Variants in CADPS2 observed in about 807,000 individuals in gnomAD.
CADPS2 encodes calcium-dependent secretion activator 2.
A neutral mutation model predicts 172.5 loss-of-function variants in CADPS2; 93 were observed. That is an observed-to-expected ratio of 0.54 (90% CI 0.46 to 0.64). The LOEUF is 0.64. Among genes scored for constraint, CADPS2 ranks in the 30% least tolerant of loss-of-function variants. CADPS2 has a pLI of 0.00. For missense variants in CADPS2, 1,420 were observed against 1,565.9 expected, an observed-to-expected ratio of 0.91 and a Z score of 1.57; for synonymous variants, 546 against 555.2, an observed-to-expected ratio of 0.98 and a Z score of 0.23.
intron 14 of CADPS2, among the ~76,000 whole-genome samples, chr7:122,463,777 G>C (rs2054773125): frequency 6.6e-6 from 1 of 152,180 alleles, no homozygotes; most frequent in Non-Finnish European, 1.5e-5. Flanking sequence ...AGCCTAGTTG[G>C]TGAATTCCAA....
intron 17 of CADPS2, among the ~76,000 whole-genome samples, chr7:122,416,461 G>A (rs772243391): frequency 1.3e-5 from 2 of 152,130 alleles, no homozygotes; most frequent in Admixed American, 6.6e-5. Context: ...CAAGGTCAGC[G>A]ACACAAAGAG....
intron 1 of CADPS2, among the ~76,000 whole-genome samples, chr7:122,868,803 G>GT (rs1384730766): frequency 6.6e-6 from 1 of 152,162 alleles, no homozygotes; most frequent in Non-Finnish European, 1.5e-5. Flanking sequence ...GCTCGCTAAA[G>GT]TAAGGAGAAC....
chr7:122,884,449 A>C (rs1823757824), intron 1 of CADPS2, among the ~76,000 whole-genome samples: 1 of 152,172 alleles, frequency 6.6e-6, no homozygotes, highest in Admixed American at 6.5e-5. Flanking sequence ...GGTGGTTTTA[A>C]CTGTGCCAAT....
At chr7:122,366,869 T>C (rs1398532093) in intron 25 of CADPS2, 1 of 152,094 alleles carries the variant, frequency 6.6e-6, no homozygotes, top group Admixed American at 6.5e-5. Context: ...GAGGGAGTGT[T>C]TGACAGCAGG....
At chr7:122,328,450 A>C (rs1378205649) in intron 28 of CADPS2, 1 of 152,206 alleles carries the variant, frequency 6.6e-6, no homozygotes, top group Non-Finnish European at 1.5e-5. Flanking sequence ...AACTTGGTTG[A>C]CCATTCACTT....
chr7:122,554,719 C>G, intron 7 of CADPS2, 30 bp from the exon 8 acceptor site: 1 of 1,559,292 alleles, frequency 6.4e-7, no homozygotes, highest in Non-Finnish European at 8.7e-7. Context: ...CACATTTAAA[C>G]GCATGATACG....
At chr7:122,804,736 T>A (rs1233024451) in intron 1 of CADPS2, among the ~76,000 whole-genome samples, 1 of 152,228 alleles carries the variant, frequency 6.6e-6, no homozygotes, top group African/African-American at 2.4e-5. Flanking sequence ...TGGATTGCCA[T>A]CCTTTTCAAA....
At chr7:122,664,576 T>C (rs1310405776) in intron 2 of CADPS2, among the ~76,000 whole-genome samples, 1 of 152,146 alleles carries the variant, frequency 6.6e-6, no homozygotes, top group Non-Finnish European at 1.5e-5. Flanking sequence ...AAGTTATGTA[T>C]CTAAGTATCA....
At chr7:122,493,353 A>T (rs1486405911) in intron 9 of CADPS2, among the ~76,000 whole-genome samples, 2 of 152,150 alleles carry the variant, frequency 1.3e-5, no homozygotes, top group East Asian at 3.9e-4. Context: ...TAAAAGGAGA[A>T]AATATATTTT....
chr7:122,470,043 G>A (rs965940920), intron 14 of CADPS2, among the ~76,000 whole-genome samples: 5 of 152,158 alleles, frequency 3.3e-5, no homozygotes, highest in Non-Finnish European at 4.4e-5. Context: ...ACAAGAATGG[G>A]CAGATGGAAG....
chr7:122,708,400 T>C (rs1315116338), intron 2 of CADPS2, among the ~76,000 whole-genome samples: 1 of 150,090 alleles, frequency 6.7e-6, no homozygotes, highest in African/African-American at 2.4e-5. Flanking sequence ...ATATTCATAA[T>C]GAGTTCAACT....
chr7:122,676,050 C>T (rs1483127358), intron 2 of CADPS2, among the ~76,000 whole-genome samples: 1 of 152,046 alleles, frequency 6.6e-6, no homozygotes, highest in East Asian at 1.9e-4. Flanking sequence ...AAATAAAGAC[C>T]TACTTGTGCA....
At chr7:122,601,517 C>T (rs138025711) in intron 6 of CADPS2, among the ~76,000 whole-genome samples, 19 of 151,916 alleles carry the variant, frequency 1.3e-4, no homozygotes, top group African/African-American at 2.7e-4. Flanking sequence ...ACCACCACTG[C>T]GATTTCTCTG....
chr7:122,471,260 T>G, intron 14 of CADPS2, 115 bp downstream of exon 14: 1 of 647,208 alleles, frequency 1.5e-6, no homozygotes, highest in Non-Finnish European at 2.3e-6. Context: ...TTTTTCCTTG[T>G]AAGAAGTGTT....
intron 1 of CADPS2, among the ~76,000 whole-genome samples, chr7:122,789,945 G>A (rs1012889300): frequency 5.4e-5 from 8 of 147,218 alleles, no homozygotes; most frequent in South Asian, 2.1e-4. Context: ...TTAGAAAAAC[G>A]AACTATAAAG....
chr7:122,527,582 T>TAGAGAGAGAGAGAGAGAGAGAG (rs35881192), intron 8 of CADPS2, among the ~76,000 whole-genome samples: 2 of 91,768 alleles, frequency 2.2e-5, no homozygotes, highest in Non-Finnish European at 4.5e-5. Flanking sequence ...TAATACTGAA[T>TAGAGAGAGAGAGAGAGAGAGAG]AGAGAGAGAG....
rs1030780537 is a variant in CADPS2, at chr7:122,878,262, A to G, written c.339+7737T>C. On this transcript the variant is annotated intron_variant, in intron 1 of 29. Transcript: ENST00000449022. ...CGACAGAGCGAAACTCCGTCTCAAG[A>G]AAAAAAAAAAAAAAAAGTGGGAAGG... 8.7e-4 allele frequency among the ~76,000 whole-genome samples: 6 copies of G among 6,878 alleles called. 1 individual carries two copies. Among genetic ancestry groups the G allele is most frequent in the African/African-American group, 2.3e-3 (1 of 438 alleles). The allele number at this position is 6,878 out of a possible 152,430, so 4.5% of individuals were successfully genotyped here.
intron 2 of CADPS2, among the ~76,000 whole-genome samples, chr7:122,708,544 T>G (rs1281235286): frequency 2.6e-4 from 2 of 7,644 alleles, no homozygotes; most frequent in African/African-American, 4.0e-4. Flanking sequence ...TATATATATA[T>G]ATATATATAT....
At position 122,828,668 on chromosome 7, in the gene CADPS2, T is replaced by C. The variant is rs556900487; in HGVS notation, c.339+57331A>G. Among the ~76,000 whole-genome samples, 13 of 152,328 alleles carry C rather than the reference T, an allele frequency of 8.5e-5. No individual in the cohort carries two copies. In the East Asian group the frequency reaches 2.5e-3, roughly 29 times the overall value. ...TCCTGGTTCTCTAAGATTTATTCTA[T>C]GATTTCCTTTCTTTTTGAAGAACTT... On this transcript the variant is annotated intron_variant, in intron 1 of 29. Transcript: ENST00000449022.
Sources: gnomAD v4.1 joint callset for allele counts (sites outside exome capture counted in the v4.1 genomes callset) on GRCh38, gnomAD v4.1.1 for gene constraint, MANE v1.5 for transcripts, NCBI Gene and HGNC (gene_info 2026-07-23, HGNC 2026-07-21) for gene names.